SH3RF2: variants seen among roughly 807,000 people sequenced by gnomAD.
SH3RF2 encodes the protein E3 ubiquitin-protein ligase SH3RF2.
In SH3RF2, 43 loss-of-function variants were observed where a neutral mutation model predicts 59.0. The ratio of observed to expected loss-of-function variants is 0.73; its 90% CI spans 0.57 to 0.94. The LOEUF (loss-of-function observed/expected upper bound fraction) is 0.94, where lower values mean the gene tolerates loss of function less well. SH3RF2 is among the 40% of genes least tolerant of loss of function. The pLI is 0.00. For synonymous variants in SH3RF2, 391 were observed against 391.5 expected (o/e 1.00, Z 0.01); for missense variants, 930 against 940.1 (o/e 0.99, Z 0.14).
intron 7 of SH3RF2, among the ~76,000 whole-genome samples, chr5:146,050,748 T>TG (rs1762466706): frequency 6.6e-6 from 1 of 152,168 alleles, no homozygotes; most frequent in Admixed American, 6.5e-5. Context: ...ATTTAAGTAA[T>TG]CTTTATGATG....
intron 2 of SH3RF2, among the ~76,000 whole-genome samples, chr5:145,961,245 G>A (rs867907638): frequency 6.8e-6 from 1 of 147,928 alleles, no homozygotes; most frequent in Admixed American, 6.7e-5. Context: ...AAGTTCTGAG[G>A]GGTCATCTTC....
chr5:146,044,495 G>T (rs1445229187), intron 5 of SH3RF2, among the ~76,000 whole-genome samples: 2 of 151,978 alleles, frequency 1.3e-5, no homozygotes, highest in East Asian at 3.9e-4. Flanking sequence ...CATTTCCCTG[G>T]TAATTATTGA....
At chr5:145,995,279 T>A (rs1359762135) in intron 2 of SH3RF2, among the ~76,000 whole-genome samples, 1 of 152,210 alleles carries the variant, frequency 6.6e-6, no homozygotes, top group Non-Finnish European at 1.5e-5. Flanking sequence ...GGCCTGGACT[T>A]AATCACCAGA....
Position 145,941,617 on chromosome 5 carries a change from T to C in SH3RF2, c.378+3311T>C, listed in dbSNP as rs986160478. On this transcript the variant is annotated intron_variant, in intron 2 of 9. Transcript: ENST00000359120. ...TCTTCCTCATTCTGCTACACTTTAG[T>C]AATATTTCTGATTTAGGATAGGTGG... 5.3e-5 allele frequency among the ~76,000 whole-genome samples: 8 copies of C among 152,204 alleles called. No homozygotes were observed. In the East Asian group the frequency reaches 7.7e-4, roughly 15 times the overall value.
At chr5:146,029,243 G>A (rs1761655645) in intron 5 of SH3RF2, among the ~76,000 whole-genome samples, 1 of 152,204 alleles carries the variant, frequency 6.6e-6, no homozygotes, top group Admixed American at 6.5e-5. Flanking sequence ...CAGTTAGCAA[G>A]TGCATTTCAG....
intron 5 of SH3RF2, among the ~76,000 whole-genome samples, chr5:146,014,358 C>T (rs1002153047): frequency 6.6e-6 from 1 of 152,096 alleles, no homozygotes; most frequent in African/African-American, 2.4e-5. Context: ...TTGCTGAGTG[C>T]CATGATATCG....
At chr5:146,041,848 T>C (rs1226160547) in intron 5 of SH3RF2, among the ~76,000 whole-genome samples, 1 of 152,114 alleles carries the variant, frequency 6.6e-6, no homozygotes, top group African/African-American at 2.4e-5. Flanking sequence ...GGAGGATCGA[T>C]TGAACCCGGG....
chr5:146,061,754 G>A lies in SH3RF2; in HGVS notation c.1915-672G>A, dbSNP rs140045015. On this transcript the variant is annotated intron_variant, in intron 9 of 9. Transcript: ENST00000359120. ...TGGAGACCTTGCATCTCATATAAAG[G>A]GGGCACTGCTTCTCAGGTCCAGCCA... is the stretch of plus-strand genomic sequence containing the variant. Among the ~76,000 whole-genome samples the A allele has an allele frequency of 5.2e-3, 799 of 152,240 alleles. 8 individuals carry two copies. Among genetic ancestry groups the A allele is most frequent in the African/African-American group, 0.018 (763 of 41,534 alleles).
intron 9 of SH3RF2, 23 bp from the exon 10 acceptor site, chr5:146,062,403 A>G (rs762538188): frequency 3.7e-6 from 6 of 1,609,500 alleles, no homozygotes; most frequent in Non-Finnish European, 5.1e-6. Flanking sequence ...ACCTGTGTCC[A>G]TTTCCTCTCC....
At chr5:145,955,768 C>T (rs967362063) in intron 2 of SH3RF2, among the ~76,000 whole-genome samples, 2 of 152,122 alleles carry the variant, frequency 1.3e-5, no homozygotes, top group Non-Finnish European at 2.9e-5. Context: ...TATGGTCAGC[C>T]ATACATGTCT....
downstream of SH3RF2, among the ~76,000 whole-genome samples, chr5:146,063,797 T>C (rs966592314): frequency 1.3e-5 from 2 of 151,976 alleles, no homozygotes; most frequent in African/African-American, 4.8e-5. Context: ...GAGGCGGAGA[T>C]TACAGTGAAC....
intron 5 of SH3RF2, among the ~76,000 whole-genome samples, chr5:146,016,354 AGATGGATGGATGGATG>A (rs68055522): frequency 3.9e-4 from 56 of 143,884 alleles, no homozygotes; most frequent in East Asian, 2.2e-3. Flanking sequence ...GTAGGTAAGT[AGATGGATGGATGGATG>A]GATGGATGGA....
chr5:145,953,230 G>A (rs1469194643), intron 2 of SH3RF2, among the ~76,000 whole-genome samples: 1 of 152,090 alleles, frequency 6.6e-6, no homozygotes, highest in Non-Finnish European at 1.5e-5. Flanking sequence ...AGGATAAAAG[G>A]AAAGATATTT....
At chr5:145,938,381 T>G in intron 2 of SH3RF2, 75 bp downstream of exon 2, 1 of 1,459,922 alleles carries the variant, frequency 6.8e-7, no homozygotes, top group South Asian at 1.5e-5. Context: ...CTAGAGATTA[T>G]CTTCTTTTAG....
intron 9 of SH3RF2, 29 bp downstream of exon 9, chr5:146,060,253 A>G: frequency 1.3e-6 from 2 of 1,556,018 alleles, no homozygotes; most frequent in Non-Finnish European, 1.7e-6. Context: ...TGGGGGCCCA[A>G]CTCTTTCGAT....
At chr5:146,005,724 A>G (rs767803759) in intron 4 of SH3RF2, among the ~76,000 whole-genome samples, 2 of 152,158 alleles carry the variant, frequency 1.3e-5, no homozygotes, top group Non-Finnish European at 2.9e-5. Flanking sequence ...TAAGGCTCAG[A>G]TAGAAACCTA....
At chr5:145,949,869 T>C (rs990001003) in intron 2 of SH3RF2, among the ~76,000 whole-genome samples, 7 of 152,236 alleles carry the variant, frequency 4.6e-5, no homozygotes, top group Non-Finnish European at 7.3e-5. Context: ...TTTGTTCTTG[T>C]TTTCTGCAGC....
intron 5 of SH3RF2, among the ~76,000 whole-genome samples, chr5:146,026,579 G>A (rs892739670): frequency 1.2e-4 from 19 of 152,282 alleles, no homozygotes; most frequent in East Asian, 5.8e-4. Context: ...TGTCTTCTGC[G>A]GGAGCACACA....
At chr5:146,075,699 T>C (rs1382408749) in intron 9 of SH3RF2, among the ~76,000 whole-genome samples, 1 of 143,118 alleles carries the variant, frequency 7.0e-6, no homozygotes, top group African/African-American at 2.6e-5. Context: ...TAATCCCAGC[T>C]ACCCGGGAGG....
Sources: gnomAD v4.1 joint callset for allele counts (sites outside exome capture counted in the v4.1 genomes callset) on GRCh38, gnomAD v4.1.1 for gene constraint, MANE v1.5 for transcripts, NCBI Gene and HGNC (gene_info 2026-07-23, HGNC 2026-07-21) for gene names.